The following DCAF8 variants were observed in gnomAD, a reference collection of about 807,000 sequenced individuals.
DCAF8 encodes the protein DDB1- and CUL4-associated factor 8.
Under a neutral mutation model 68.0 loss-of-function variants are expected in DCAF8, and 20 were observed. The observed-to-expected ratio is 0.29, with a 90% CI of 0.21 to 0.43. DCAF8 has a LOEUF of 0.43. Among genes scored for constraint, DCAF8 ranks in the 20% least tolerant of loss-of-function variants. The pLI is 1.00. For missense variants in DCAF8, 460 were observed against 771.0 expected (o/e 0.60, Z 4.78); for synonymous variants, 230 against 276.9 (o/e 0.83, Z 1.68).
intron 2 of DCAF8, among the ~76,000 whole-genome samples, chr1:160,247,572 C>A (rs1656395153): frequency 1.3e-5 from 2 of 152,140 alleles, no homozygotes; most frequent in South Asian, 4.1e-4. Flanking sequence ...TCCTCTTACC[C>A]AAAATGCTTG....
intron 6 of DCAF8, among the ~76,000 whole-genome samples, chr1:160,231,846 G>A (rs1655699003): frequency 6.6e-6 from 1 of 152,100 alleles, no homozygotes; most frequent in African/African-American, 2.4e-5. Flanking sequence ...CCCAGAAACA[G>A]TAGGCTAAAA....
intron 11 of DCAF8, chr1:160,219,671 T>G (rs1655234791): frequency 6.6e-6 from 1 of 152,186 alleles, no homozygotes; most frequent in Non-Finnish European, 1.5e-5. Flanking sequence ...TCAGCCACCC[T>G]CTGGGTAAAT....
chr1:160,222,817 G>A (rs1655341679), intron 10 of DCAF8, 36 bp from the exon 11 acceptor site: 1 of 1,613,700 alleles, frequency 6.2e-7, no homozygotes, highest in Non-Finnish European at 8.5e-7. Context: ...CCACATGAGG[G>A]TTGGCATCAG....
chr1:160,233,844 CA>C (rs1421929163), intron 6 of DCAF8, among the ~76,000 whole-genome samples: 2 of 152,160 alleles, frequency 1.3e-5, no homozygotes, highest in Admixed American at 1.3e-4. Flanking sequence ...TTGAACTCTG[CA>C]GGGGGCATGC....
intron 2 of DCAF8, among the ~76,000 whole-genome samples, chr1:160,260,954 T>C (rs1657064796): frequency 6.6e-6 from 1 of 152,088 alleles, no homozygotes; most frequent in South Asian, 2.1e-4. Context: ...AGTTCCAGTT[T>C]TTAACAACGT....
At chr1:160,234,452 T>A (rs940670417) in intron 6 of DCAF8, among the ~76,000 whole-genome samples, 1 of 152,184 alleles carries the variant, frequency 6.6e-6, no homozygotes, top group Non-Finnish European at 1.5e-5. Flanking sequence ...ATGTTCAGAT[T>A]CATGGTTAAC....
At chr1:160,222,814 A>C (rs578202487) in intron 10 of DCAF8, 33 bp from the exon 11 acceptor site, 33 of 1,613,876 alleles carry the variant, frequency 2.0e-5, no homozygotes, top group Non-Finnish European at 2.5e-5. Flanking sequence ...AAACCACATG[A>C]GGGTTGGCAT....
At chr1:160,232,896 A>T (rs958568441) in intron 6 of DCAF8, among the ~76,000 whole-genome samples, 2 of 152,196 alleles carry the variant, frequency 1.3e-5, no homozygotes, top group African/African-American at 4.8e-5. Flanking sequence ...GAAATCCAGA[A>T]TAATCTGTCT....
chr1:160,254,092 G>A (rs558448469), intron 2 of DCAF8, among the ~76,000 whole-genome samples: 2 of 152,302 alleles, frequency 1.3e-5, no homozygotes, highest in South Asian at 4.1e-4. Context: ...GGGAGGCCGA[G>A]GCAGGCGGAT....
rs750346765 is a variant in DCAF8 at position 160,218,935 on chromosome 1, C to T, written c.1474G>A (p.Val492Met). The change falls in exon 12 of 14, where the codon GTG (valine) becomes ATG (methionine). Residue 492 changes from valine (V) to methionine (M), a missense_variant. Coordinates refer to ENST00000368074, the MANE Select transcript of DCAF8 (RefSeq NM_015726.4). ...TGGTCTAGGCCACTGGTTGCCAGCA[C>T]AGGCAGGTGAGGGTGGGGCTCAAGA... ...NCLEPHPHLP[V>M]LATSGLDHDV... 8.1e-6 allele frequency: 13 copies of T among 1,614,136 alleles called. No individual in the cohort carries two copies. In the Admixed American group the frequency reaches 1.7e-4, roughly 21 times the overall value.
chr1:160,225,011 C>G, intron 9 of DCAF8, 51 bp downstream of exon 9: 1 of 1,582,716 alleles, frequency 6.3e-7, no homozygotes, highest in Non-Finnish European at 8.7e-7. Flanking sequence ...CTCAGCAGCT[C>G]CCTAGACAGA....
chr1:160,222,619 G>T (rs1367928084), intron 11 of DCAF8, 32 bp downstream of exon 11: 1 of 1,611,744 alleles, frequency 6.2e-7, no homozygotes, highest in East Asian at 2.2e-5. Context: ...GGAGAGATTA[G>T]GGAGCCAGCC....
Position 160,218,450 on chromosome 1 carries a change from A to T in DCAF8, c.1561-10T>A. The T allele has an allele frequency of 6.2e-7, 1 of 1,608,892 alleles. No individual in the cohort carries two copies. Among genetic ancestry groups the T allele is most frequent in the Non-Finnish European group, 8.5e-7 (1 of 1,175,422 alleles). ...TGTTCTTCTTAATCACCTGGAACCC[A>T]AAAAGGTTGGGAAGAGGGGGCAGCA... On this transcript the variant is annotated splice_polypyrimidine_tract_variant and intron_variant, in intron 12 of 13. Transcript: ENST00000368074.
intron 11 of DCAF8, among the ~76,000 whole-genome samples, chr1:160,222,222 C>T (rs964233293): frequency 5.9e-5 from 9 of 152,132 alleles, no homozygotes; most frequent in Non-Finnish European, 1.0e-4. Context: ...CCAAAAAATG[C>T]TCTTTATAGC....
chr1:160,249,291 C>A (rs1427382495), intron 2 of DCAF8, among the ~76,000 whole-genome samples: 1 of 152,092 alleles, frequency 6.6e-6, no homozygotes, highest in Non-Finnish European at 1.5e-5. Flanking sequence ...AATGAGAATC[C>A]ACTAAACACT....
chr1:160,227,454 C>T (rs1401046049), intron 7 of DCAF8, among the ~76,000 whole-genome samples: 1 of 152,118 alleles, frequency 6.6e-6, no homozygotes, highest in Admixed American at 6.5e-5. Flanking sequence ...TTGGTGGAGA[C>T]AGCATCTGCC....
chr1:160,240,409 A>G (rs1008876797), intron 3 of DCAF8, 39 bp from the exon 4 acceptor site: 2 of 1,536,206 alleles, frequency 1.3e-6, no homozygotes, highest in African/African-American at 1.4e-5. Context: ...AGAGGGAAAA[A>G]TAAGAAAACA....
chr1:160,240,740 T>A (rs1264177762), intron 3 of DCAF8, among the ~76,000 whole-genome samples: 1 of 152,176 alleles, frequency 6.6e-6, no homozygotes, highest in Admixed American at 6.6e-5. Flanking sequence ...AGCAAATAAT[T>A]AAACAGAATA....
intron 2 of DCAF8, among the ~76,000 whole-genome samples, chr1:160,244,622 C>CTT (rs879565106): frequency 2.8e-5 from 4 of 144,764 alleles, no homozygotes; most frequent in African/African-American, 7.6e-5. Flanking sequence ...ATTATTCTTT[C>CTT]TTTTTTTTTT....
Sources: gnomAD v4.1 joint callset for allele counts (sites outside exome capture counted in the v4.1 genomes callset) on GRCh38, gnomAD v4.1.1 for gene constraint, MANE v1.5 for transcripts, NCBI Gene and HGNC (gene_info 2026-07-23, HGNC 2026-07-21) for gene names.